RBFOX1: variants seen among roughly 807,000 people sequenced by gnomAD.
RBFOX1 encodes RNA binding protein fox-1 homolog 1.
A neutral mutation model predicts 57.7 loss-of-function variants in RBFOX1; 8 were observed. The ratio of observed to expected loss-of-function variants is 0.14; its 90% CI spans 0.08 to 0.25. RBFOX1 has a LOEUF of 0.25. RBFOX1 is among the 10% of genes least tolerant of loss of function. The pLI is 1.00. For synonymous variants in RBFOX1, 326 were observed against 222.4 expected (o/e 1.47, Z -4.15); for missense variants, 611 against 548.5 (o/e 1.11, Z -1.14).
chr16:6,179,871 G>T (rs2097048677), intron 1 of RBFOX1, among the ~76,000 whole-genome samples: 1 of 152,158 alleles, frequency 6.6e-6, no homozygotes, highest in Admixed American at 6.6e-5. Flanking sequence ...TTTTGTAGAT[G>T]CCCTTTATAA....
At position 6,450,875 on chromosome 16, in the gene RBFOX1, C is replaced by A. The variant is rs1274946541; in HGVS notation, c.-64+133818C>A. Among the ~76,000 whole-genome samples, 48 of 61,240 alleles carry A rather than the reference C, an allele frequency of 7.8e-4. 1 individual carries two copies. Among genetic ancestry groups the A allele is most frequent in the East Asian group, 2.3e-3 (4 of 1,718 alleles). The allele number at this position is 61,240 out of a possible 152,430, so 40.2% of individuals were successfully genotyped here. A position where few individuals can be genotyped will look rare whatever the true frequency, so the allele number is the denominator to read the frequency against. ...TATATATATATATATATATATATAT[C>A]TCCTCTGAAATATTGATCTTCTCTT... On this transcript the variant is annotated intron_variant, in intron 2 of 15. Coordinates refer to ENST00000550418, the MANE Select transcript of RBFOX1 (RefSeq NM_018723.4).
intron 2 of RBFOX1, among the ~76,000 whole-genome samples, chr16:6,424,628 T>TGTGTGTGTGTGTGTGTGA (rs2093873818): frequency 1.3e-5 from 2 of 151,896 alleles, no homozygotes; most frequent in African/African-American, 4.8e-5. Flanking sequence ...TGCGTGTGTG[T>TGTGTGTGTGTGTGTGTGA]GAACGTGGGG....
chr16:6,075,205 T>C (rs2095881110), intron 1 of RBFOX1, among the ~76,000 whole-genome samples: 1 of 152,188 alleles, frequency 6.6e-6, no homozygotes, highest in Non-Finnish European at 1.5e-5. Flanking sequence ...AACCAAAAGG[T>C]TGAAGTTAAA....
chr16:5,831,320 A>T (rs1597415769), intron 3 of RBFOX1, among the ~76,000 whole-genome samples: 1 of 151,942 alleles, frequency 6.6e-6, no homozygotes, highest in South Asian at 2.1e-4. Flanking sequence ...CTTCCCTGCC[A>T]TTCTCTCTAT....
At chr16:5,562,079 G>A (rs965272943) in intron 2 of RBFOX1, among the ~76,000 whole-genome samples, 1 of 152,018 alleles carries the variant, frequency 6.6e-6, no homozygotes, top group Non-Finnish European at 1.5e-5. Flanking sequence ...TTGAAATCTC[G>A]GCACTCATTT....
At chr16:6,584,171 T>C (rs1227873462) in intron 2 of RBFOX1, among the ~76,000 whole-genome samples, 2 of 151,842 alleles carry the variant, frequency 1.3e-5, no homozygotes, top group Non-Finnish European at 2.9e-5. Context: ...GTCCCTGCTG[T>C]AATTACATCT....
At chr16:5,374,839 A>T (rs2065945482) in intron 1 of RBFOX1, among the ~76,000 whole-genome samples, 1 of 152,110 alleles carries the variant, frequency 6.6e-6, no homozygotes, top group African/African-American at 2.4e-5. Flanking sequence ...TACCAATAAA[A>T]TGTTGATAGA....
intron 3 of RBFOX1, among the ~76,000 whole-genome samples, chr16:6,941,169 G>A (rs184508266): frequency 6.6e-6 from 1 of 151,894 alleles, no homozygotes; most frequent in Non-Finnish European, 1.5e-5. Context: ...AAATCCATCA[G>A]CAGACTCTCA....
At chr16:7,066,107 C>G (rs545997652) in intron 4 of RBFOX1, among the ~76,000 whole-genome samples, 2 of 152,312 alleles carry the variant, frequency 1.3e-5, no homozygotes, top group South Asian at 4.1e-4. Context: ...GCATGAGAAT[C>G]TTAAAGCCTA....
At chr16:6,520,236 C>G (rs1305202952) in intron 2 of RBFOX1, among the ~76,000 whole-genome samples, 1 of 152,130 alleles carries the variant, frequency 6.6e-6, no homozygotes, top group South Asian at 2.1e-4. Context: ...AGGATGTATT[C>G]AAAATTTAAA....
At chr16:6,811,794 C>A (rs2088674607) in intron 3 of RBFOX1, among the ~76,000 whole-genome samples, 1 of 152,160 alleles carries the variant, frequency 6.6e-6, no homozygotes, top group Non-Finnish European at 1.5e-5. Context: ...GAGGCTGAGG[C>A]AGGAGAATCG....
chr16:7,575,377 C>A (rs185004269), intron 5 of RBFOX1, among the ~76,000 whole-genome samples: 1 of 152,136 alleles, frequency 6.6e-6, no homozygotes, highest in African/African-American at 2.4e-5. Flanking sequence ...TCATGATCTG[C>A]CCCGCTCAGC....
At chr16:5,897,180 C>T (rs886454146) in intron 4 of RBFOX1, among the ~76,000 whole-genome samples, 8 of 151,924 alleles carry the variant, frequency 5.3e-5, no homozygotes, top group Admixed American at 2.6e-4. Flanking sequence ...GGACTACAGG[C>T]GCCCGCCACC....
intron 2 of RBFOX1, among the ~76,000 whole-genome samples, chr16:5,527,365 G>A (rs887882646): frequency 5.9e-5 from 9 of 152,298 alleles, no homozygotes; most frequent in Middle Eastern, 3.4e-3. Flanking sequence ...CCCATACAGC[G>A]TCCTCCATGC....
At chr16:5,799,050 T>A (rs1294779859) in intron 3 of RBFOX1, among the ~76,000 whole-genome samples, 1 of 152,170 alleles carries the variant, frequency 6.6e-6, no homozygotes, top group African/African-American at 2.4e-5. Flanking sequence ...CTGGGTAATT[T>A]GTAAAGAAAA....
intron 2 of RBFOX1, among the ~76,000 whole-genome samples, chr16:6,497,449 G>A (rs2095801471): frequency 2.0e-5 from 3 of 152,064 alleles, no homozygotes; most frequent in Admixed American, 2.0e-4. Context: ...AGCACTTGGA[G>A]AAAGAAGTTG....
chr16:5,543,530 T>G (rs1312156435), intron 2 of RBFOX1, among the ~76,000 whole-genome samples: 1 of 152,136 alleles, frequency 6.6e-6, no homozygotes, highest in Non-Finnish European at 1.5e-5. Flanking sequence ...AGAACAGCAT[T>G]AGTAATCTCT....
At chr16:5,781,978 G>C (rs968454055) in intron 3 of RBFOX1, among the ~76,000 whole-genome samples, 5 of 152,200 alleles carry the variant, frequency 3.3e-5, no homozygotes, top group African/African-American at 9.6e-5. Context: ...GGCCGAGGTG[G>C]GCGGATTACT....
intron 4 of RBFOX1, among the ~76,000 whole-genome samples, chr16:7,350,710 C>T (rs1478455386): frequency 1.3e-5 from 2 of 152,130 alleles, no homozygotes; most frequent in Non-Finnish European, 2.9e-5. Context: ...TTTCTTTGAT[C>T]TTCATTGACC....
Sources: gnomAD v4.1 joint callset for allele counts (sites outside exome capture counted in the v4.1 genomes callset) on GRCh38, gnomAD v4.1.1 for gene constraint, MANE v1.5 for transcripts, NCBI Gene and HGNC (gene_info 2026-07-23, HGNC 2026-07-21) for gene names.